The following ACBD4 variants were observed in gnomAD, a reference collection of about 807,000 sequenced individuals.
ACBD4 encodes the protein acyl-CoA binding domain containing 4, also known as acyl-CoA-binding domain-containing protein 4.
ACBD4 carries 41 observed loss-of-function variants against 46.0 expected under a neutral mutation model. The observed-to-expected ratio is 0.89, with a 90% CI of 0.69 to 1.16. ACBD4 has a LOEUF of 1.16. ACBD4 is among the 50% of genes most tolerant of loss of function. The probability of loss-of-function intolerance (pLI) is 0.00; values close to 1 mark genes in which losing one functional copy is unlikely to be tolerated. For synonymous variants in ACBD4, 162 were observed against 155.9 expected, an observed-to-expected ratio of 1.04 and a Z score of -0.29; for missense variants, 393 against 399.5, an observed-to-expected ratio of 0.98 and a Z score of 0.14.
At position 45,137,006 on chromosome 17, in the gene ACBD4, C is replaced by T; in HGVS notation, c.295-13C>T. On this transcript the variant is annotated splice_polypyrimidine_tract_variant and intron_variant, in intron 4 of 9. Coordinates refer to ENST00000321854, the MANE Select transcript of ACBD4 (RefSeq NM_001135705.3). ...GAGGCCACTCCGTCCCCAACAGACC[C>T]CCTCCCCTACAGGTGATCGACACAG... is the stretch of plus-strand genomic sequence containing the variant. The T allele has an allele frequency of 4.3e-6, 7 of 1,613,998 alleles. No homozygotes were observed. Among genetic ancestry groups the T allele is most frequent in the Non-Finnish European group, 5.9e-6 (7 of 1,179,954 alleles).
chr17:45,138,241 G>C (rs1183312169), intron 8 of ACBD4: 1 of 577,338 alleles, frequency 1.7e-6, no homozygotes, highest in Non-Finnish European at 3.1e-6. Flanking sequence ...AAGGCCAGCG[G>C]GATGGGAGTC....
At chr17:45,137,275 C>G in intron 5 of ACBD4, 93 bp from the exon 6 acceptor site, 3 of 1,589,316 alleles carry the variant, frequency 1.9e-6, no homozygotes, top group Non-Finnish European at 2.6e-6. Flanking sequence ...GGATCCCAGG[C>G]AGCATCCACG....
At chr17:45,136,863 T>G in intron 4 of ACBD4, 87 bp downstream of exon 4, 1 of 1,586,756 alleles carries the variant, frequency 6.3e-7, no homozygotes. Flanking sequence ...TTCCTACACA[T>G]GGACCCCCTC....
At chr17:45,137,618 C>T (rs1026145489) in intron 6 of ACBD4, 142 bp from the exon 7 acceptor site, 60 of 1,303,348 alleles carry the variant, frequency 4.6e-5, no homozygotes, top group Admixed American at 6.9e-5. Context: ...TTGCTTCTGG[C>T]GCCCATCTGT....
At chr17:45,143,208 C>G (rs1316385583) in intron 9 of ACBD4, among the ~76,000 whole-genome samples, 1 of 152,224 alleles carries the variant, frequency 6.6e-6, no homozygotes, top group Non-Finnish European at 1.5e-5. Context: ...ATGGAAGCCG[C>G]TCCCTCTACC....
At position 45,143,484 on chromosome 17, in the gene ACBD4, G is replaced by A. The variant is rs781706144; in HGVS notation, c.831G>A (p.Gly277=). 3.8e-5 allele frequency: 61 copies of A among 1,613,214 alleles called. No individual in the cohort carries two copies. Among genetic ancestry groups the A allele is most frequent in the South Asian group, 1.4e-4 (13 of 91,082 alleles). Reference sequence around the variant, plus strand: ...CCAGTGCTCGGCCATGGCCCCTTGGGCTCCCGGGGCCCGCGCTGCTCTTCT... The same window carrying A: ...CCAGTGCTCGGCCATGGCCCCTTGGACTCCCGGGGCCCGCGCTGCTCTTCT... ...PRPSARPWPL[G]LPGPALLFFL... The change falls in exon 10 of 10, where the codon GGG becomes GGA. Residue 277 remains glycine, a synonymous_variant. Transcript: ENST00000321854.
In ACBD4 at chr17:45,143,714, G is replaced by GGCA; in HGVS notation, c.*144_*146dup. On this transcript the variant is annotated 3_prime_UTR_variant, in exon 10 of 10. Transcript: ENST00000321854. ...CCTCCTCCCCTAAAGCAGCGCGGGG[G>GGCA]GCAAATAAGACCCCACCCCTCCCTG... The GGCA allele has an allele frequency of 7.2e-7, 1 of 1,396,012 alleles. No homozygotes were observed. The highest frequency in any genetic ancestry group is 1.4e-5 in the African/African-American group (1 of 69,954). 86.5% of individuals were successfully genotyped at this position (1,396,012 alleles called of 1,614,324 possible). A position where few individuals can be genotyped will look rare whatever the true frequency, so the allele number is the denominator to read the frequency against.
rs2291446 is a variant in ACBD4, at chr17:45,135,911, G to C, written c.-80G>C. 2.5e-4 allele frequency: 131 copies of C among 524,560 alleles called. No individual in the cohort carries two copies. In the East Asian group the frequency reaches 3.9e-3, roughly 16 times the overall value. 32.5% of individuals were successfully genotyped at this position (524,560 alleles called of 1,614,324 possible). ...TCTGGCACTGAGGCCCTCGCCACCT[G>C]CCTCGCCACCTGGCGACCCTGACCC... is the stretch of plus-strand genomic sequence containing the variant. On this transcript the variant is annotated 5_prime_UTR_variant, in exon 1 of 10. Coordinates refer to ENST00000321854, the MANE Select transcript of ACBD4 (RefSeq NM_001135705.3).
rs1258832779 is a variant in ACBD4, at chr17:45,139,178, A to G, written c.789+18A>G. ...CTGAGCAGGTAGAGTCCCCCACCCC[A>G]TAGGACAAGATGATGGCAGAATCCG... On this transcript the variant is annotated intron_variant, in intron 9 of 9. Transcript: ENST00000321854. 3.7e-6 allele frequency: 6 copies of G among 1,611,886 alleles called. No individual in the cohort carries two copies. The African/African-American group carries it at 5.3e-5, about 14-fold the overall frequency.
intron 9 of ACBD4, among the ~76,000 whole-genome samples, chr17:45,140,169 GT>G (rs201542915): frequency 0.14 from 20,365 of 142,946 alleles, 1,622 homozygotes; most frequent in East Asian, 0.25. Context: ...CTTTTCTTCT[GT>G]TTTTTTTTTT....
chr17:45,137,498 G>A (rs2054935429), intron 6 of ACBD4, 44 bp downstream of exon 6: 1 of 1,596,020 alleles, frequency 6.3e-7, no homozygotes, highest in Admixed American at 1.7e-5. Context: ...CAGGCTGGGG[G>A]AGGGCTGGAG....
At chr17:45,139,202 C>A (rs764069747) in intron 9 of ACBD4, 42 bp downstream of exon 9, 3 of 1,607,296 alleles carry the variant, frequency 1.9e-6, no homozygotes. Context: ...TGGCAGAATC[C>A]GGTCTTTATT....
At chr17:45,138,647 C>T (rs1029195550) in intron 8 of ACBD4, 16 of 238,938 alleles carry the variant, frequency 6.7e-5, no homozygotes, top group Non-Finnish European at 9.2e-5. Flanking sequence ...AAATATTAGC[C>T]GGGTGTGGTG....
upstream of ACBD4, chr17:45,132,215 C>A: frequency 1.9e-5 from 24 of 1,250,702 alleles, no homozygotes; most frequent in Non-Finnish European, 2.4e-5. The surrounding 1 kb of genome is among the most constrained non-coding windows in gnomAD (Gnocchi z 4.6). Context: ...GAACGGTCCG[C>A]GCCCACCCCA....
Position 45,143,538 on chromosome 17 carries a change from GCT to G in ACBD4, c.888_889del (p.Phe297ProfsTer20). The G allele has an allele frequency of 1.2e-6, 2 of 1,614,062 alleles. No individual in the cohort carries two copies. The highest frequency in any genetic ancestry group is 1.7e-6 in the Non-Finnish European group (2 of 1,179,988). ...FLLWPFVVQWLFRMFRTQKR is the reference protein window; with the variant it reads ...FLLWPFVVQWXFRMFRTQKR ...TCCTGTGGCCCTTCGTCGTCCAGTG[GCT>G]CTTCCGAATGTTTCGGACCCAAAAG... On this transcript the variant is annotated frameshift_variant, in exon 10 of 10. Transcript: ENST00000321854. LOFTEE classifies it high-confidence loss of function.
chr17:45,136,258 G>A (rs113924400), intron 2 of ACBD4, 26 bp downstream of exon 2: 2 of 1,610,686 alleles, frequency 1.2e-6, no homozygotes. Flanking sequence ...CTCGCATTTG[G>A]ACTCGCATTC....
upstream of ACBD4, among the ~76,000 whole-genome samples, chr17:45,133,553 A>G: frequency 1.2e-5 from 1 of 82,436 alleles, no homozygotes; most frequent in African/African-American, 4.7e-5. Context: ...TTTTTTTGAG[A>G]CGGAGTCTCG....
Position 45,136,531 on chromosome 17 carries a change from G to A in ACBD4, c.120G>A (p.Leu40=), listed in dbSNP as rs780110670. Reference sequence around the variant, plus strand: ...ACCGCCCCTCCTATGAAGAGATGCTGCGATTCTACAGTTACTACAAGCAGG... The same window carrying A: ...ACCGCCCCTCCTATGAAGAGATGCTACGATTCTACAGTTACTACAAGCAGG... The part of the protein sequence containing the change: ...GSYRPSYEEM[L]RFYSYYKQAT... Residue 40 remains leucine, a synonymous_variant, in exon 3 of 10, where the codon CTG becomes CTA. Transcript: ENST00000321854. 1 of 1,613,798 alleles carries A rather than the reference G, an allele frequency of 6.2e-7. No individual in the cohort carries two copies. Among genetic ancestry groups the A allele is most frequent in the Non-Finnish European group, 8.5e-7 (1 of 1,179,924 alleles).
chr17:45,141,713 G>T (rs2055282932), intron 9 of ACBD4, among the ~76,000 whole-genome samples: 1 of 152,120 alleles, frequency 6.6e-6, no homozygotes, highest in South Asian at 2.1e-4. Flanking sequence ...TACATCAGAG[G>T]TGATGTTTTT....
Sources: gnomAD v4.1 joint callset for allele counts (sites outside exome capture counted in the v4.1 genomes callset) on GRCh38, gnomAD v4.1.1 for gene constraint, Gnocchi (gnomAD v3.1) non-coding constraint, MANE v1.5 for transcripts, NCBI Gene and HGNC (gene_info 2026-07-23, HGNC 2026-07-21) for gene names.